LMX1A: variants seen among roughly 807,000 people sequenced by gnomAD.
The protein encoded by LMX1A is LIM homeobox transcription factor 1 alpha.
A neutral mutation model predicts 49.1 loss-of-function variants in LMX1A; 15 were observed. The observed-to-expected ratio is 0.31, with a 90% CI of 0.20 to 0.47. The LOEUF is 0.47. LMX1A is among the 20% of genes least tolerant of loss of function. The pLI, the probability that LMX1A is intolerant of heterozygous loss-of-function variation, is 1.00. For missense variants in LMX1A, 372 were observed against 475.8 expected (o/e 0.78, Z 2.03); for synonymous variants, 167 against 185.7 (o/e 0.90, Z 0.82).
At chr1:165,226,577 T>C (rs142639649) in intron 4 of LMX1A, among the ~76,000 whole-genome samples, 1,618 of 152,176 alleles carry the variant, frequency 0.011, 13 homozygotes, top group Middle Eastern at 0.017. Context: ...AAACTTGCCA[T>C]TGTGGGTGCA....
rs150328976 is a variant in LMX1A, at chr1:165,212,856, G to A, written c.669+785C>T. 3 of 152,290 alleles carry A rather than the reference G, an allele frequency of 2.0e-5. No homozygotes were observed. In the East Asian group the frequency reaches 5.8e-4, roughly 29 times the overall value. 9.4% of individuals were successfully genotyped at this position (152,290 alleles called of 1,614,324 possible). The stretch of plus-strand genomic sequence containing the variant: ...TTTCCCTGCAGGAAGTGTGGCCACA[G>A]GACTACATTCTGGCCAACACATATG... On this transcript the variant is annotated intron_variant, in intron 5 of 8. Transcript: ENST00000342310.
rs887457436 is a variant in LMX1A, at chr1:165,356,551, C to A, written c.-219G>T. On this transcript the variant is annotated 5_prime_UTR_variant, in exon 1 of 9. Coordinates refer to ENST00000342310, the MANE Select transcript of LMX1A (RefSeq NM_177398.4). ...TCGGCGCGCCCAGGCTGGGCCGGGA[C>A]GTGGTCGCGAGCTGCCGGCCTTCCC... 1.3e-5 allele frequency: 2 copies of A among 152,192 alleles called. No homozygotes were observed. Among genetic ancestry groups the A allele is most frequent in the Non-Finnish European group, 2.9e-5 (2 of 68,032 alleles). 9.4% of individuals were successfully genotyped at this position (152,192 alleles called of 1,614,324 possible).
intron 4 of LMX1A, among the ~76,000 whole-genome samples, chr1:165,222,742 G>A (rs1651894562): frequency 6.6e-6 from 1 of 152,220 alleles, no homozygotes; most frequent in Non-Finnish European, 1.5e-5. Context: ...CCTTGGCTGA[G>A]ACACCGTGGT....
intron 3 of LMX1A, among the ~76,000 whole-genome samples, chr1:165,351,088 T>C (rs775407308): frequency 2.6e-5 from 4 of 152,370 alleles, no homozygotes; most frequent in Non-Finnish European, 2.9e-5. Flanking sequence ...TCTTCTCCTC[T>C]TGACACAGCC....
rs1656585969 is a variant in LMX1A at position 165,355,716 on chromosome 1, C to A, written c.-22-135G>T. ...ATCAGCCAGGAGGATAGGGTCCAGCCAAGAGAATGTAGGGTGGGAGGAGAG... is the reference window on the plus strand; with the variant it reads ...ATCAGCCAGGAGGATAGGGTCCAGCAAAGAGAATGTAGGGTGGGAGGAGAG... On this transcript the variant is annotated intron_variant, in intron 1 of 8. Coordinates refer to ENST00000342310, the MANE Select transcript of LMX1A (RefSeq NM_177398.4). The surrounding 1 kb of genome is among the most constrained non-coding windows in gnomAD (Gnocchi z 4.7). 3 of 657,788 alleles carry A rather than the reference C, an allele frequency of 4.6e-6. No homozygotes were observed. Among genetic ancestry groups the A allele is most frequent in the Admixed American group, 2.5e-5 (1 of 39,538 alleles). 40.7% of individuals were successfully genotyped at this position (657,788 alleles called of 1,614,324 possible).
At chr1:165,309,103 C>G (rs1248254130) in intron 3 of LMX1A, among the ~76,000 whole-genome samples, 1 of 152,064 alleles carries the variant, frequency 6.6e-6, no homozygotes, top group Admixed American at 6.5e-5. Flanking sequence ...AGGGGAGCCC[C>G]CTCCCCGCCC....
intron 3 of LMX1A, among the ~76,000 whole-genome samples, chr1:165,284,100 G>A (rs1270065428): frequency 3.3e-5 from 5 of 152,250 alleles, no homozygotes; most frequent in Admixed American, 6.5e-5. Flanking sequence ...TCCAGGGCTC[G>A]GCCCCTAATT....
intron 3 of LMX1A, among the ~76,000 whole-genome samples, chr1:165,294,004 C>T (rs1212277553): frequency 6.6e-6 from 1 of 152,152 alleles, no homozygotes; most frequent in Non-Finnish European, 1.5e-5. Flanking sequence ...TTCATTAGAG[C>T]CCTATGAAAG....
chr1:165,339,086 G>A (rs1571231393), intron 3 of LMX1A, among the ~76,000 whole-genome samples: 1 of 152,084 alleles, frequency 6.6e-6, no homozygotes, highest in Admixed American at 6.5e-5. Context: ...ATTTGCCCAG[G>A]CCCAGCCAGC....
At chr1:165,313,808 A>T (rs930249369) in intron 3 of LMX1A, among the ~76,000 whole-genome samples, 1 of 152,234 alleles carries the variant, frequency 6.6e-6, no homozygotes, top group Non-Finnish European at 1.5e-5. Flanking sequence ...ATAGGAGCAT[A>T]CATGAAAGCT....
chr1:165,351,154 T>C (rs1354577207), intron 3 of LMX1A, among the ~76,000 whole-genome samples: 1 of 147,490 alleles, frequency 6.8e-6, no homozygotes, highest in African/African-American at 2.5e-5. Flanking sequence ...CCTTAAGCCT[T>C]CTTTGATTCG....
rs11578584 is a variant in LMX1A at position 165,329,024 on chromosome 1, C to T, written c.263+24052G>A. 5.5e-3 allele frequency among the ~76,000 whole-genome samples: 840 copies of T among 152,312 alleles called. 4 individuals carry two copies. Among genetic ancestry groups the T allele is most frequent in the Non-Finnish European group, 7.5e-3 (510 of 68,034 alleles). On this transcript the variant is annotated intron_variant, in intron 3 of 8. Transcript: ENST00000342310. The stretch of plus-strand genomic sequence containing the variant: ...TTCATTTTCACACTGCTATGAAGAA[C>T]TTCCCTGAGACTGGGAAATTTATTT...
At chr1:165,221,975 TCTCC>T (rs1358045186) in intron 4 of LMX1A, among the ~76,000 whole-genome samples, 39 of 151,786 alleles carry the variant, frequency 2.6e-4, no homozygotes, top group Admixed American at 2.6e-3. Flanking sequence ...TTTCTCTCTC[TCTCC>T]ATCATTCCCT....
At chr1:165,215,415 C>G (rs1651607782) in intron 4 of LMX1A, among the ~76,000 whole-genome samples, 2 of 152,200 alleles carry the variant, frequency 1.3e-5, no homozygotes, top group Admixed American at 1.3e-4. Context: ...CTCAACTGCC[C>G]TCTTTTCTCT....
intron 3 of LMX1A, among the ~76,000 whole-genome samples, chr1:165,264,599 T>A (rs751600034): frequency 4.6e-5 from 7 of 152,164 alleles, no homozygotes; most frequent in Non-Finnish European, 7.3e-5. Context: ...TTGAGGGATG[T>A]CTGCATTTTG....
intron 3 of LMX1A, among the ~76,000 whole-genome samples, chr1:165,270,987 T>C (rs1161812318): frequency 2.0e-5 from 3 of 152,296 alleles, no homozygotes; most frequent in South Asian, 4.1e-4. Context: ...CAGCCAGCCA[T>C]TTCCCTCCCA....
In LMX1A at chr1:165,296,711, A is replaced by T. The variant is rs190859961; in HGVS notation, c.264-47071T>A. On this transcript the variant is annotated intron_variant, in intron 3 of 8. Transcript: ENST00000342310. ...GGCCTCTGCCCCTTTTCCCTCTCAC[A>T]TCTGCTGTTTCTTGTGTGAATGAAC... Among the ~76,000 whole-genome samples the T allele has an allele frequency of 2.7e-3, 406 of 152,322 alleles. 3 individuals carry two copies. Among genetic ancestry groups the T allele is most frequent in the African/African-American group, 9.1e-3 (380 of 41,572 alleles).
rs146050007 is a variant in LMX1A at position 165,249,052 on chromosome 1, G to A, written c.496+356C>T. 1.8e-3 allele frequency among the ~76,000 whole-genome samples: 277 copies of A among 152,270 alleles called. 2 individuals carry two copies. Among genetic ancestry groups the A allele is most frequent in the African/African-American group, 6.1e-3 (254 of 41,550 alleles). ...ATGGCACAGAGTATACCTAAACCTTGTCTACAGGCTGGAGCTAAGCTCAGC... is the reference window on the plus strand; with the variant it reads ...ATGGCACAGAGTATACCTAAACCTTATCTACAGGCTGGAGCTAAGCTCAGC... On this transcript the variant is annotated intron_variant, in intron 4 of 8. Coordinates refer to ENST00000342310, the MANE Select transcript of LMX1A (RefSeq NM_177398.4).
chr1:165,263,803 C>T (rs1306433759), intron 3 of LMX1A, among the ~76,000 whole-genome samples: 3 of 152,128 alleles, frequency 2.0e-5, no homozygotes, highest in East Asian at 3.9e-4. Flanking sequence ...TTTGGGGGTG[C>T]CAGGATTTAA....
Sources: gnomAD v4.1 joint callset for allele counts (sites outside exome capture counted in the v4.1 genomes callset) on GRCh38, gnomAD v4.1.1 for gene constraint, Gnocchi (gnomAD v3.1) non-coding constraint, MANE v1.5 for transcripts, NCBI Gene and HGNC (gene_info 2026-07-23, HGNC 2026-07-21) for gene names.